DPH6: variants seen among roughly 807,000 people sequenced by gnomAD.
DPH6 encodes diphthamine biosynthesis 6.
Under a neutral mutation model 38.2 loss-of-function variants are expected in DPH6, and 33 were observed. The observed-to-expected ratio is 0.86, with a 90% confidence interval of 0.65 to 1.15. The LOEUF is 1.15. Ranked by LOEUF, DPH6 falls within the 50% of genes most tolerant of loss-of-function variation. The pLI is 0.00. For missense variants in DPH6, 325 were observed against 320.0 expected, an observed-to-expected ratio of 1.02 and a Z score of -0.12; for synonymous variants, 108 against 103.0, an observed-to-expected ratio of 1.05 and a Z score of -0.30.
intron 3 of DPH6, among the ~76,000 whole-genome samples, chr15:35,356,432 T>C (rs1481316341): frequency 6.6e-6 from 1 of 152,204 alleles, no homozygotes; most frequent in African/African-American, 2.4e-5. Flanking sequence ...CTTTGGTCTT[T>C]GATGATGGTG....
intron 7 of DPH6, among the ~76,000 whole-genome samples, chr15:35,375,466 ATAC>A (rs2052767833): frequency 6.6e-6 from 1 of 152,110 alleles, no homozygotes; most frequent in South Asian, 2.1e-4. Flanking sequence ...TATCACAGTG[ATAC>A]TCAAATTTCA....
At chr15:35,216,055 A>C (rs148921601), downstream of DPH6, among the ~76,000 whole-genome samples, 31 of 152,342 alleles carry the variant, frequency 2.0e-4, no homozygotes, top group African/African-American at 5.8e-4. Flanking sequence ...ACAGTTTCAG[A>C]GAGTTAAATA....
chr15:35,174,234 GATC>G, the DPH6 span, among the ~76,000 whole-genome samples: 5 of 102,162 alleles, frequency 4.9e-5, no homozygotes, highest in Admixed American at 4.7e-4. Flanking sequence ...TTTTATATTA[GATC>G]ATTATAATTT....
chr15:35,184,754 G>A, the DPH6 span, among the ~76,000 whole-genome samples: 39,546 of 151,946 alleles, frequency 0.26, 5,952 homozygotes, highest in East Asian at 0.68. Flanking sequence ...TTCAAACTCA[G>A]TAGGTTATAT....
chr15:35,342,599 C>T (rs1595489474), intron 3 of DPH6, among the ~76,000 whole-genome samples: 1 of 152,290 alleles, frequency 6.6e-6, no homozygotes, highest in East Asian at 1.9e-4. Flanking sequence ...ACTGCAGCTG[C>T]TTCTAATTGG....
At chr15:35,296,804 C>CTTTTTTTTTTTTTT (rs772132282) in intron 3 of DPH6, among the ~76,000 whole-genome samples, 21,194 of 121,566 alleles carry the variant, frequency 0.17, 3,467 homozygotes, top group African/African-American at 0.24. Context: ...GGCCTGGCTT[C>CTTTTTTTTTTTTTT]TTTTTTTTTT....
In DPH6 at chr15:35,371,862, C is replaced by T. The variant is rs537982546; in HGVS notation, c.*288G>A. ...TAGTGTGATAAAAAAAGAAATGCTACAGAAATGGGGTTTATAGATGAAATA... is the reference window on the plus strand; with the variant it reads ...TAGTGTGATAAAAAAAGAAATGCTATAGAAATGGGGTTTATAGATGAAATA... On this transcript the variant is annotated 3_prime_UTR_variant, in exon 9 of 9. Transcript: ENST00000256538. 27 of 1,065,368 alleles carry T rather than the reference C, an allele frequency of 2.5e-5. No homozygotes were observed. The African/African-American group carries it at 4.1e-4, about 16-fold the overall frequency. The allele number at this position is 1,065,368 out of a possible 1,614,324, so 66.0% of individuals were successfully genotyped here.
At chr15:35,281,622 C>T (rs540480036) in intron 3 of DPH6, among the ~76,000 whole-genome samples, 1 of 152,186 alleles carries the variant, frequency 6.6e-6, no homozygotes, top group Non-Finnish European at 1.5e-5. Flanking sequence ...CATTGGTCTA[C>T]TCTTCAGCTA....
chr15:35,400,849 T>C, intron 6 of DPH6: 1 of 796,488 alleles, frequency 1.3e-6, no homozygotes, highest in Non-Finnish European at 2.2e-6. Context: ...CACCAAACAT[T>C]CCAGGGGCTT....
In DPH6 at chr15:35,392,795, G is replaced by A. The variant is rs544223660; in HGVS notation, c.568-10879C>T. Among the ~76,000 whole-genome samples the A allele has an allele frequency of 3.3e-5, 5 of 152,300 alleles. No homozygotes were observed. The South Asian group carries it at 1.0e-3, about 32-fold the overall frequency. On this transcript the variant is annotated intron_variant, in intron 6 of 8. Transcript: ENST00000256538. ...TCTCAAAGTAAATAAAACTTAAGCTGAGTTCTAAAGGATTAAGTTAACCCT... is the reference window on the plus strand; with the variant it reads ...TCTCAAAGTAAATAAAACTTAAGCTAAGTTCTAAAGGATTAAGTTAACCCT...
chr15:35,397,875 A>ACGCACG (rs59385983), intron 6 of DPH6, among the ~76,000 whole-genome samples: 1 of 149,246 alleles, frequency 6.7e-6, no homozygotes, highest in South Asian at 2.1e-4. Context: ...ATATACACAC[A>ACGCACG]CACACACACA....
chr15:35,265,072 T>C (rs952506820), intron 3 of DPH6, among the ~76,000 whole-genome samples: 3 of 152,068 alleles, frequency 2.0e-5, no homozygotes, highest in African/African-American at 7.2e-5. Flanking sequence ...CTATAGTCCA[T>C]ACAGTGAAAA....
chr15:35,292,403 T>G (rs1305632538), intron 3 of DPH6, among the ~76,000 whole-genome samples: 1 of 152,136 alleles, frequency 6.6e-6, no homozygotes, highest in East Asian at 1.9e-4. Context: ...TAGCTTAACA[T>G]TAGCCCTCCA....
chr15:35,372,265 T>C (rs945185894), intron 8 of DPH6, 62 bp from the exon 9 acceptor site: 16 of 1,277,954 alleles, frequency 1.3e-5, no homozygotes, highest in Non-Finnish European at 8.4e-6. Flanking sequence ...TGTCAGTGAA[T>C]ATGACACTTC....
chr15:35,373,519 G>A lies in DPH6; in HGVS notation c.750+2C>T, dbSNP rs754443807. On this transcript the variant is annotated splice_donor_variant, in intron 8 of 8. Coordinates refer to ENST00000256538, the MANE Select transcript of DPH6 (RefSeq NM_080650.4). LOFTEE classifies it low-confidence loss of function (GC_TO_GT_DONOR). ...ATCACTGTGAATCTTAGATTTACTT[G>A]CCTTGTCCTCCAAGTGCAATTCTAA... 6.3e-6 allele frequency: 10 copies of A among 1,599,170 alleles called. No individual in the cohort carries two copies. The highest frequency in any genetic ancestry group is 8.5e-6 in the Non-Finnish European group (10 of 1,173,254).
the DPH6 span, among the ~76,000 whole-genome samples, chr15:35,156,142 G>C: frequency 6.6e-6 from 1 of 151,838 alleles, no homozygotes; most frequent in Non-Finnish European, 1.5e-5. Flanking sequence ...TATTAAATAT[G>C]AAATATATGA....
intron 3 of DPH6, among the ~76,000 whole-genome samples, chr15:35,530,854 C>T (rs2055076675): frequency 6.6e-6 from 1 of 152,188 alleles, no homozygotes. Flanking sequence ...TAAAGCTGCA[C>T]CTGGGAGTGA....
At chr15:35,505,245 C>CTT (rs969259279) in intron 3 of DPH6, among the ~76,000 whole-genome samples, 19 of 151,990 alleles carry the variant, frequency 1.3e-4, no homozygotes, top group African/African-American at 4.3e-4. Context: ...ACTGGATTAA[C>CTT]TAGATCTTTA....
chr15:35,486,381 A>C (rs892415922), intron 3 of DPH6, among the ~76,000 whole-genome samples: 2 of 152,086 alleles, frequency 1.3e-5, no homozygotes, highest in Admixed American at 1.3e-4. Context: ...TGAAGAAAAA[A>C]GGTTTAACTG....
Sources: gnomAD v4.1 joint callset for allele counts (sites outside exome capture counted in the v4.1 genomes callset) on GRCh38, gnomAD v4.1.1 for gene constraint, MANE v1.5 for transcripts, NCBI Gene and HGNC (gene_info 2026-07-23, HGNC 2026-07-21) for gene names.